Variants in RNF213 observed in about 807,000 individuals in gnomAD.
RNF213 encodes the protein ring finger protein 213, also known as E3 ubiquitin-protein ligase RNF213.
Under a neutral mutation model 514.4 loss-of-function variants are expected in RNF213, and 341 were observed. The ratio of observed to expected loss-of-function variants is 0.66; its 90% CI spans 0.61 to 0.73. The LOEUF is 0.73. Among genes scored for constraint, RNF213 ranks in the 30% least tolerant of loss-of-function variants. The pLI, the probability that RNF213 is intolerant of heterozygous loss-of-function variation, is 0.00. For missense variants in RNF213, 5,767 were observed against 6,615.6 expected (o/e 0.87, Z 4.45); for synonymous variants, 2,655 against 2,658.2 (o/e 1.00, Z 0.04).
chr17:80,313,148 C>T lies in RNF213; in HGVS notation c.2792C>T (p.Thr931Ile), dbSNP rs918062979. Reference sequence around the variant, plus strand: ...CTCACATCTTCAGGTGCCTCATTCACATACGTCAAGGAAATTGAGGTAGGC... The same window carrying T: ...CTCACATCTTCAGGTGCCTCATTCATATACGTCAAGGAAATTGAGGTAGGC... ...NMLTSSGASF[T>I]YVKEIEVWRR... Residue 931 changes from threonine (T) to isoleucine (I), a missense_variant, in exon 15 of 68, where the codon ACA becomes ATA. Physicochemically the swap from Thr to Ile is moderately conservative, Grantham distance 89. Around this residue, in one of 13 missense-constraint regions of RNF213, gnomAD observed 592 missense variants for 673.9 expected, o/e 0.88. Coordinates refer to ENST00000582970, the MANE Select transcript of RNF213 (RefSeq NM_001256071.3). 3.1e-6 allele frequency: 5 copies of T among 1,614,020 alleles called. No homozygotes were observed. The highest frequency in any genetic ancestry group is 4.2e-6 in the Non-Finnish European group (5 of 1,180,048).
Position 80,345,339 on chromosome 17 carries a change from A to G in RNF213, c.7004A>G (p.His2335Arg), listed in dbSNP as rs773887136. The G allele has an allele frequency of 3.1e-6, 5 of 1,614,094 alleles. No homozygotes were observed. The South Asian group carries it at 5.5e-5, about 18-fold the overall frequency. The change falls in exon 29 of 68, where the codon CAC becomes CGC. Residue 2335 changes from histidine to arginine, a missense_variant. His to Arg is a conservative substitution (Grantham distance 29). Coordinates refer to ENST00000582970, the MANE Select transcript of RNF213 (RefSeq NM_001256071.3). This position sits in a 1 kb window ranked among gnomAD's most constrained non-coding sequence, Gnocchi z 6.0. ...AACGGCAGTGTCGATGCCATCAGTCACTTGACTGGGAAGGTCATCAAGAGA... is the reference window on the plus strand; with the variant it reads ...AACGGCAGTGTCGATGCCATCAGTCGCTTGACTGGGAAGGTCATCAAGAGA... ...NINGSVDAIS[H>R]LTGKVIKRDV...
intron 57 of RNF213, chr17:80,382,023 A>C (rs562465708): frequency 1.1e-4 from 46 of 423,572 alleles, no homozygotes; most frequent in Non-Finnish European, 4.5e-6. Flanking sequence ...GCAAGTGTTC[A>C]GTGTGCATAT....
chr17:80,338,062 C>A, intron 25 of RNF213, 65 bp downstream of exon 25: 1 of 1,516,650 alleles, frequency 6.6e-7, no homozygotes, highest in Non-Finnish European at 8.9e-7. Context: ...GGGCTGTGTA[C>A]TCCCAAGAAA....
intron 16 of RNF213, among the ~76,000 whole-genome samples, chr17:80,318,884 G>A (rs1438974019): frequency 6.6e-6 from 1 of 152,160 alleles, no homozygotes; most frequent in Non-Finnish European, 1.5e-5. Flanking sequence ...ATATGTAACT[G>A]TTAAATGGAT....
In RNF213 at chr17:80,374,460, G is replaced by T; in HGVS notation, c.12945G>T (p.Gly4315=). 1 of 1,614,148 alleles carries T rather than the reference G, an allele frequency of 6.2e-7. No homozygotes were observed. The highest frequency in any genetic ancestry group is 8.5e-7 in the Non-Finnish European group (1 of 1,180,010). Residue 4315 remains glycine, a splice_region_variant and synonymous_variant, in exon 50 of 68, where the codon GGG becomes GGT. Coordinates refer to ENST00000582970, the MANE Select transcript of RNF213 (RefSeq NM_001256071.3). ...VFPKDVVKQQ[G]LRQDHPGQMD... is the part of the protein sequence containing the mutation. ...CCCAACTAACCTCTGTATTCCAGGG[G>T]CTGCGGCAGGACCACCCAGGCCAGA...
chr17:80,317,815 C>T lies in RNF213; in HGVS notation c.2901+538C>T, dbSNP rs1013152832. Among the ~76,000 whole-genome samples, 1 of 152,176 alleles carries T rather than the reference C, an allele frequency of 6.6e-6. No individual in the cohort carries two copies. The highest frequency in any genetic ancestry group is 2.4e-5 in the African/African-American group (1 of 41,438). Reference sequence around the variant, plus strand: ...CTTGCCTTGTTGCCTAGGGTGGCTGCCCTCTGCCAGGGCCAATGTGACAGC... The same window carrying T: ...CTTGCCTTGTTGCCTAGGGTGGCTGTCCTCTGCCAGGGCCAATGTGACAGC... On this transcript the variant is annotated intron_variant, in intron 16 of 67. Transcript: ENST00000582970. This position sits in a 1 kb window ranked among gnomAD's most constrained non-coding sequence, Gnocchi z 4.1.
intron 12 of RNF213, 83 bp from the exon 13 acceptor site, chr17:80,307,045 A>AT (rs1382828032): frequency 6.4e-6 from 9 of 1,405,062 alleles, no homozygotes; most frequent in East Asian, 2.3e-5. Flanking sequence ...TTGATGTTGG[A>AT]TTTTTTTCAG....
rs780127147 is a variant in RNF213 at position 80,347,622 on chromosome 17, C to CA, written c.9288dup (p.Gly3097ArgfsTer56). 6.2e-7 allele frequency: 1 copy of CA among 1,614,154 alleles called. No homozygotes were observed. The highest frequency in any genetic ancestry group is 1.1e-5 in the South Asian group (1 of 91,082). ...AATCGTGTGAAGATCTGCATGGAAACAGGCAAGATGGTGTTGCTTCTCAAC... is the reference window on the plus strand; with the variant it reads ...AATCGTGTGAAGATCTGCATGGAAACAAGGCAAGATGGTGTTGCTTCTCAAC... On this transcript the variant is annotated frameshift_variant, in exon 29 of 68. Coordinates refer to ENST00000582970, the MANE Select transcript of RNF213 (RefSeq NM_001256071.3). LOFTEE classifies it high-confidence loss of function. The surrounding 1 kb of genome is among the most constrained non-coding windows in gnomAD (Gnocchi z 7.2).
rs753804332 is a variant in RNF213, at chr17:80,345,590, A to G, written c.7255A>G (p.Met2419Val). ...CCGGTGTGGGATCCCGGTTATCATCATGGGAGAAACTGGCTGTGGGAAAAC... is the reference window on the plus strand; with the variant it reads ...CCGGTGTGGGATCCCGGTTATCATCGTGGGAGAAACTGGCTGTGGGAAAAC... ...RFRCGIPVII[M>V]GETGCGKTRL... is the part of the protein sequence containing the mutation. The change falls in exon 29 of 68, where the codon ATG (methionine) becomes GTG (valine). Residue 2419 changes from methionine (M) to valine (V), a missense_variant. Physicochemically the swap from Met to Val is conservative, Grantham distance 21 (BLOSUM62 1). Transcript: ENST00000582970. This position sits in a 1 kb window ranked among gnomAD's most constrained non-coding sequence, Gnocchi z 6.0. 16 of 1,613,932 alleles carry G rather than the reference A, an allele frequency of 9.9e-6. No homozygotes were observed. In the South Asian group the frequency reaches 1.6e-4, roughly 17 times the overall value.
In RNF213 at chr17:80,377,809, AT is replaced by A; in HGVS notation, c.13545+16del. On this transcript the variant is annotated intron_variant, in intron 54 of 67. Transcript: ENST00000582970. This position sits in a 1 kb window ranked among gnomAD's most constrained non-coding sequence, Gnocchi z 4.1. ...CTCCGTGGGAGAGGTGAGTCTTGGT[AT>A]TTAAGATAGGGTTTGAGGGGTGGCG... 6.2e-7 allele frequency: 1 copy of A among 1,614,066 alleles called. No homozygotes were observed. Among genetic ancestry groups the A allele is most frequent in the Non-Finnish European group, 8.5e-7 (1 of 1,179,978 alleles).
intron 38 of RNF213, 123 bp downstream of exon 38, chr17:80,360,329 C>CT: frequency 8.6e-7 from 1 of 1,159,014 alleles, no homozygotes; most frequent in South Asian, 1.3e-5. Context: ...AGTTTTCACA[C>CT]TTTGTTTGTG....
chr17:80,352,013 C>G, intron 32 of RNF213: 1 of 423,514 alleles, frequency 2.4e-6, no homozygotes, highest in East Asian at 4.9e-5. Flanking sequence ...CGCCACCATG[C>G]CCAGCTAATT....
At chr17:80,296,410 A>C (rs1213395842) in intron 10 of RNF213, among the ~76,000 whole-genome samples, 5 of 152,066 alleles carry the variant, frequency 3.3e-5, no homozygotes, top group Non-Finnish European at 7.4e-5. Context: ...GCCAGCCTGA[A>C]CTCATCCCCT....
At chr17:80,329,317 C>T (rs772761775) in intron 20 of RNF213, among the ~76,000 whole-genome samples, 19 of 152,336 alleles carry the variant, frequency 1.2e-4, no homozygotes, top group African/African-American at 4.1e-4. Flanking sequence ...GTCAGTCGCT[C>T]GGCTAGGTCT....
In RNF213 at chr17:80,358,349, T is replaced by C; in HGVS notation, c.10924T>C (p.Phe3642Leu). The change falls in exon 37 of 68, where the codon TTC (phenylalanine) becomes CTC (leucine). Residue 3642 changes from phenylalanine to leucine, a missense_variant. Physicochemically the swap from Phe to Leu is conservative, Grantham distance 22 (BLOSUM62 0). Around this residue, in one of 13 missense-constraint regions of RNF213, gnomAD observed 919 missense variants for 1,121.0 expected, o/e 0.82. Transcript: ENST00000582970. ...VTPLLASMIS[F>L]IDRDGNLELL... ...CCCTCTGCTGGCGAGCATGATATCATTCATCGACAGAGACGGCAACCTAGA... is the reference window on the plus strand; with the variant it reads ...CCCTCTGCTGGCGAGCATGATATCACTCATCGACAGAGACGGCAACCTAGA... 6.2e-7 allele frequency: 1 copy of C among 1,614,130 alleles called. No homozygotes were observed. The highest frequency in any genetic ancestry group is 8.5e-7 in the Non-Finnish European group (1 of 1,179,984).
Position 80,332,077 on chromosome 17 carries a change from G to T in RNF213, c.3589G>T (p.Val1197Leu), listed in dbSNP as rs909688743. 1 of 1,537,210 alleles carries T rather than the reference G, an allele frequency of 6.5e-7. No homozygotes were observed. Among genetic ancestry groups the T allele is most frequent in the Non-Finnish European group, 8.7e-7 (1 of 1,146,922 alleles). The change falls in exon 21 of 68, where the codon GTG becomes TTG. Residue 1197 changes from valine to leucine, a missense_variant. Physicochemically the swap from Val to Leu is conservative, Grantham distance 32 (BLOSUM62 1). This residue lies in a region of RNF213 where 516 missense variants were observed against 566.5 expected (regional missense o/e 0.91). Coordinates refer to ENST00000582970, the MANE Select transcript of RNF213 (RefSeq NM_001256071.3). ...TAAAAGATTAAATGACACCGTGACA[G>T]TGAGACTGTCCACCTCCTCGAACTC... ...SSKRLNDTVT[V>L]RLSTSSNSQR...
chr17:80,323,878 T>C (rs535085014), intron 17 of RNF213, among the ~76,000 whole-genome samples: 1 of 152,276 alleles, frequency 6.6e-6, no homozygotes, highest in South Asian at 2.1e-4. Flanking sequence ...CTGAATTCTG[T>C]TTCCAGATTG....
At chr17:80,388,798 A>C (rs2080343538) in intron 64 of RNF213, 109 bp downstream of exon 64, 2 of 891,428 alleles carry the variant, frequency 2.2e-6, no homozygotes, top group Admixed American at 1.7e-5. Context: ...CTGTGAGCCC[A>C]CAGTTTCTGC....
intron 16 of RNF213, among the ~76,000 whole-genome samples, chr17:80,318,693 C>T (rs1282271811): frequency 1.3e-5 from 2 of 152,134 alleles, no homozygotes; most frequent in African/African-American, 2.4e-5. Context: ...CCTGCCTCAG[C>T]CTCCCGAGTA....
Sources: gnomAD v4.1 joint callset for allele counts (sites outside exome capture counted in the v4.1 genomes callset) on GRCh38, gnomAD v4.1.1 for gene constraint, gnomAD v4.1.1 regional missense constraint, Gnocchi (gnomAD v3.1) non-coding constraint, MANE v1.5 for transcripts, NCBI Gene and HGNC (gene_info 2026-07-23, HGNC 2026-07-21) for gene names.